Variants in CCDC175 observed in about 807,000 individuals in gnomAD.
CCDC175 encodes coiled-coil domain-containing protein 175.
A neutral mutation model predicts 114.6 loss-of-function variants in CCDC175; 100 were observed. The observed-to-expected ratio is 0.87, with a 90% CI of 0.74 to 1.03. The LOEUF is 1.03. CCDC175 is among the 50% of genes least tolerant of loss of function. CCDC175 has a pLI of 0.00. For missense variants in CCDC175, 880 were observed against 917.8 expected, an observed-to-expected ratio of 0.96 and a Z score of 0.53; for synonymous variants, 306 against 308.7, an observed-to-expected ratio of 0.99 and a Z score of 0.09.
intron 17 of CCDC175, among the ~76,000 whole-genome samples, chr14:59,513,905 G>T (rs1302245996): frequency 6.6e-6 from 1 of 152,164 alleles, no homozygotes; most frequent in Non-Finnish European, 1.5e-5. Context: ...GCGTAACTGG[G>T]AGGCACCTCC....
At chr14:59,517,229 A>T (rs1443696817) in intron 17 of CCDC175, among the ~76,000 whole-genome samples, 18 of 152,192 alleles carry the variant, frequency 1.2e-4, no homozygotes, top group Non-Finnish European at 2.9e-5. Context: ...AATGGGCAAA[A>T]ACTGGAAGCA....
At chr14:59,534,194 G>A (rs1161873065) in intron 13 of CCDC175, among the ~76,000 whole-genome samples, 2 of 152,144 alleles carry the variant, frequency 1.3e-5, no homozygotes, top group East Asian at 3.9e-4. Context: ...TAGGTTCAGT[G>A]TAGCAAGTTG....
chr14:59,516,236 C>G (rs1442725489), intron 17 of CCDC175, among the ~76,000 whole-genome samples: 1 of 151,852 alleles, frequency 6.6e-6, no homozygotes, highest in African/African-American at 2.4e-5. Flanking sequence ...AAATTGACAC[C>G]CTAACATCAC....
At chr14:59,569,695 C>A (rs1046827633) in intron 3 of CCDC175, among the ~76,000 whole-genome samples, 24 of 152,108 alleles carry the variant, frequency 1.6e-4, no homozygotes, top group Non-Finnish European at 3.2e-4. Flanking sequence ...TTTTCCCTGG[C>A]AAACTAGACT....
intron 17 of CCDC175, among the ~76,000 whole-genome samples, chr14:59,517,361 C>G (rs1036120903): frequency 3.3e-5 from 5 of 152,086 alleles, no homozygotes; most frequent in East Asian, 1.9e-4. Flanking sequence ...ATTCAATTAG[C>G]AAAAGAGGAA....
chr14:59,539,304 G>A (rs1413025791), intron 11 of CCDC175, among the ~76,000 whole-genome samples: 2 of 152,230 alleles, frequency 1.3e-5, no homozygotes, highest in Admixed American at 6.5e-5. Flanking sequence ...AGGGCCAGGC[G>A]CAGTGGCTCA....
intron 7 of CCDC175, among the ~76,000 whole-genome samples, chr14:59,553,631 A>G (rs550113561): frequency 0.016 from 2,471 of 152,340 alleles, 64 homozygotes; most frequent in African/African-American, 0.056. Context: ...CCTTAAATGT[A>G]AATGGGCTAA....
intron 7 of CCDC175, among the ~76,000 whole-genome samples, chr14:59,553,411 T>G (rs545740478): frequency 1.3e-4 from 20 of 152,150 alleles, no homozygotes; most frequent in Non-Finnish European, 2.4e-4. Context: ...GACAAGCAAA[T>G]GATGAGAGAT....
chr14:59,572,917 T>A (rs1462840140), intron 2 of CCDC175, 104 bp from the exon 3 acceptor site: 1 of 584,358 alleles, frequency 1.7e-6, no homozygotes, highest in East Asian at 3.1e-5. Flanking sequence ...AAATATAATT[T>A]CACTAAATAT....
At chr14:59,525,667 A>C (rs935312137) in intron 15 of CCDC175, among the ~76,000 whole-genome samples, 2 of 152,198 alleles carry the variant, frequency 1.3e-5, no homozygotes, top group African/African-American at 4.8e-5. Flanking sequence ...ACAACTTCAC[A>C]AAATAAAATA....
At chr14:59,561,645 A>G (rs74974780) in intron 6 of CCDC175, among the ~76,000 whole-genome samples, 5,292 of 152,230 alleles carry the variant, frequency 0.035, 157 homozygotes, top group Middle Eastern at 0.1. Flanking sequence ...CTTGATATCT[A>G]TGTTTGTGCT....
chr14:59,519,859 A>G (rs566747796), intron 17 of CCDC175, among the ~76,000 whole-genome samples: 156 of 152,302 alleles, frequency 1.0e-3, no homozygotes, highest in African/African-American at 3.7e-3. Flanking sequence ...TTCTCTTGGG[A>G]TGCTTTTGGA....
intron 4 of CCDC175, 26 bp from the exon 5 acceptor site, chr14:59,565,301 G>C: frequency 6.6e-7 from 1 of 1,515,428 alleles, no homozygotes; most frequent in South Asian, 1.2e-5. Flanking sequence ...TGCTCACAGA[G>C]TGAGAAGCAC....
At chr14:59,562,478 C>T (rs879465998) in intron 6 of CCDC175, among the ~76,000 whole-genome samples, 5 of 152,164 alleles carry the variant, frequency 3.3e-5, no homozygotes, top group African/African-American at 7.2e-5. Flanking sequence ...TTAATACTTC[C>T]ATTTTATAGA....
intron 19 of CCDC175, among the ~76,000 whole-genome samples, chr14:59,508,399 T>TACACACACACACACACAAACACAC (rs1892550719): frequency 2.1e-5 from 2 of 97,374 alleles, no homozygotes; most frequent in Non-Finnish European, 3.8e-5. Flanking sequence ...GTCTCCAAAA[T>TACACACACACACACACAAACACAC]ACACACACAC....
chr14:59,574,616 T>C (rs1374005234), intron 2 of CCDC175, among the ~76,000 whole-genome samples: 2 of 152,254 alleles, frequency 1.3e-5, no homozygotes, highest in East Asian at 1.9e-4. Flanking sequence ...GCAATGCTTA[T>C]ATATTGGTGT....
chr14:59,560,829 G>T (rs1258885903), intron 7 of CCDC175, among the ~76,000 whole-genome samples: 1 of 152,020 alleles, frequency 6.6e-6, no homozygotes, highest in Non-Finnish European at 1.5e-5. Context: ...GGGCATTTTT[G>T]TTTATAGGGA....
Position 59,526,408 on chromosome 14 carries a change from C to T in CCDC175, c.1842+687G>A, listed in dbSNP as rs150947263. ...ATCACTTGAGATCAAGAGTTCGAAA[C>T]CAGCCTGGCCAACATGGTGAAACCT... is the stretch of plus-strand genomic sequence containing the variant. On this transcript the variant is annotated intron_variant, in intron 15 of 19. Coordinates refer to ENST00000537690, the MANE Select transcript of CCDC175 (RefSeq NM_001164399.2). Among the ~76,000 whole-genome samples the T allele has an allele frequency of 5.4e-3, 825 of 152,114 alleles. 5 individuals are homozygous for T. The highest frequency in any genetic ancestry group is 6.5e-3 in the Non-Finnish European group (439 of 68,008).
At chr14:59,571,390 C>A (rs1896841272) in intron 3 of CCDC175, among the ~76,000 whole-genome samples, 2 of 152,128 alleles carry the variant, frequency 1.3e-5, no homozygotes, top group Admixed American at 1.3e-4. Context: ...ATTCAGAATA[C>A]ATAAAGAACT....
Sources: gnomAD v4.1 joint callset for allele counts (sites outside exome capture counted in the v4.1 genomes callset) on GRCh38, gnomAD v4.1.1 for gene constraint, MANE v1.5 for transcripts, NCBI Gene and HGNC (gene_info 2026-07-23, HGNC 2026-07-21) for gene names.